Variants in BCL6 observed in about 807,000 individuals in gnomAD.
BCL6 encodes the protein B-cell lymphoma 6 protein.
In BCL6, 7 loss-of-function variants were observed where a neutral mutation model predicts 59.5. That is an observed-to-expected ratio of 0.12 (90% CI 0.07 to 0.22). The LOEUF is 0.22. Among genes scored for constraint, BCL6 ranks in the 10% least tolerant of loss-of-function variants. The probability of loss-of-function intolerance (pLI) is 1.00; values close to 1 mark genes in which losing one functional copy is unlikely to be tolerated. For synonymous variants in BCL6, 339 were observed against 349.7 expected, an observed-to-expected ratio of 0.97 and a Z score of 0.34; for missense variants, 685 against 939.4, an observed-to-expected ratio of 0.73 and a Z score of 3.54.
At position 187,721,420 on chromosome 3, in the gene BCL6, A is replaced by G; in HGVS notation, c.*1038T>C. On this transcript the variant is annotated 3_prime_UTR_variant, in exon 10 of 10. Transcript: ENST00000406870. This position sits in a 1 kb window ranked among gnomAD's most constrained non-coding sequence, Gnocchi z 4.2. ...ATTTTATTCTTATATTTGTACAGCT[A>G]TATTTTACAACGCGGTAATGCAGTT... 1 of 230,362 alleles carries G rather than the reference A, an allele frequency of 4.3e-6. No homozygotes were observed. The highest frequency in any genetic ancestry group is 8.6e-6 in the Non-Finnish European group (1 of 115,930). 14.3% of individuals were successfully genotyped at this position (230,362 alleles called of 1,614,324 possible).
chr3:187,738,506 C>G (rs748073100), intron 1 of BCL6, among the ~76,000 whole-genome samples: 4 of 152,256 alleles, frequency 2.6e-5, no homozygotes, highest in South Asian at 2.1e-4. Context: ...CGTAGAGACA[C>G]AGCTTGGACT....
Position 187,729,377 on chromosome 3 carries a change from G to A in BCL6, c.1028C>T (p.Ser343Leu). 6 of 1,613,568 alleles carry A rather than the reference G, an allele frequency of 3.7e-6. No homozygotes were observed. Among genetic ancestry groups the A allele is most frequent in the Non-Finnish European group, 5.1e-6 (6 of 1,179,876 alleles). ...CTTACTGCTGCAGGACTCTGTGGGC[G>A]AGTTGGGCTGGCAGTCAGATTTCTG... ...SPQKSDCQPN[S>L]PTESCSSKNA... is the part of the protein sequence containing the mutation. The change falls in exon 5 of 10, where the codon TCG becomes TTG. Residue 343 changes from serine (S) to leucine (L), a missense_variant. Coordinates refer to ENST00000406870, the MANE Select transcript of BCL6 (RefSeq NM_001706.5). The surrounding 1 kb of genome is among the most constrained non-coding windows in gnomAD (Gnocchi z 5.6).
In BCL6 at chr3:187,729,136, A is replaced by G. The variant is rs1718882677; in HGVS notation, c.1269T>C (p.Leu423=). The change falls in exon 5 of 10, where the codon CTT becomes CTC. Residue 423 remains leucine (L), a synonymous_variant. Coordinates refer to ENST00000406870, the MANE Select transcript of BCL6 (RefSeq NM_001706.5). The surrounding 1 kb of genome is among the most constrained non-coding windows in gnomAD (Gnocchi z 5.6). ...TCAGCTTGGTTGGGGACTGGAGGTC[A>G]AGGTTCTCAGGCTCCATGGGTGGCT... is the stretch of plus-strand genomic sequence containing the variant. The part of the protein sequence containing the change: ...ACQPPMEPEN[L]DLQSPTKLSA... 6.3e-7 allele frequency: 1 copy of G among 1,595,024 alleles called. No homozygotes were observed. The highest frequency in any genetic ancestry group is 1.3e-5 in the African/African-American group (1 of 74,408).
At position 187,731,921 on chromosome 3, in the gene BCL6, G is replaced by C. The variant is rs1415288002; in HGVS notation, c.171C>G (p.Phe57Leu). 6.2e-7 allele frequency: 1 copy of C among 1,613,516 alleles called. No individual in the cohort carries two copies. Among genetic ancestry groups the C allele is most frequent in the South Asian group, 1.1e-5 (1 of 91,042 alleles). The change falls in exon 4 of 10, where the codon TTC becomes TTG. Residue 57 changes from phenylalanine (F) to leucine (L), a missense_variant. Physicochemically the swap from Phe to Leu is conservative, Grantham distance 22 (BLOSUM62 0). Transcript: ENST00000406870. Reference sequence around the variant, plus strand: ...TCAACTGGTCTGTAAAGATGCTATAGAACAGGCCACTGTAAAACAAACAAA... The same window carrying C: ...TCAACTGGTCTGTAAAGATGCTATACAACAGGCCACTGTAAAACAAACAAA... ...KTVLMACSGL[F>L]YSIFTDQLKC...
chr3:187,728,554 G>A lies in BCL6; in HGVS notation c.1356-10C>T, dbSNP rs1718849430. Reference sequence around the variant, plus strand: ...AGAGCCCGTCATGGACCTATGGACAGGAGTAAAAACAGCCTCAGCACCTGG... The same window carrying A: ...AGAGCCCGTCATGGACCTATGGACAAGAGTAAAAACAGCCTCAGCACCTGG... On this transcript the variant is annotated splice_polypyrimidine_tract_variant and intron_variant, in intron 5 of 9. Transcript: ENST00000406870. The A allele has an allele frequency of 6.3e-7, 1 of 1,593,770 alleles. No individual in the cohort carries two copies. Among genetic ancestry groups the A allele is most frequent in the African/African-American group, 1.4e-5 (1 of 73,268 alleles).
intron 1 of BCL6, among the ~76,000 whole-genome samples, chr3:187,744,142 T>A (rs1711752661): frequency 6.6e-6 from 1 of 152,042 alleles, no homozygotes; most frequent in Admixed American, 6.5e-5. Context: ...TAAAATAAAA[T>A]TTAGGAAAGG....
In BCL6 at chr3:187,729,588, T is replaced by C. The variant is rs139857005; in HGVS notation, c.817A>G (p.Met273Val). The C allele has an allele frequency of 1.6e-5, 26 of 1,614,068 alleles. No individual in the cohort carries two copies. Among genetic ancestry groups the C allele is most frequent in the Non-Finnish European group, 1.9e-5 (22 of 1,180,042 alleles). The change falls in exon 5 of 10, where the codon ATG becomes GTG. Residue 273 changes from methionine (M) to valine (V), a missense_variant. Met to Val is a conservative substitution (Grantham distance 21). Transcript: ENST00000406870. This position sits in a 1 kb window ranked among gnomAD's most constrained non-coding sequence, Gnocchi z 5.6. ...AGGCCCTCAGCCACACTGTAGTGCA[T>C]ATCACTTCGTGCCTCTTCTGGGATT... is the stretch of plus-strand genomic sequence containing the variant. The part of the protein sequence containing the change: ...ETIPEEARSD[M>V]HYSVAEGLKP...
chr3:187,737,412 G>A (rs1397597859), intron 1 of BCL6: 1 of 148,736 alleles, frequency 6.7e-6, no homozygotes, highest in Admixed American at 6.7e-5. Context: ...AGAGAAGAGG[G>A]AGAGGCGAGG....
chr3:187,744,079 C>G (rs2108482829), intron 1 of BCL6, among the ~76,000 whole-genome samples: 1 of 152,274 alleles, frequency 6.6e-6, no homozygotes, highest in East Asian at 1.9e-4. Context: ...CTGGCGTCCA[C>G]TACGCTCAGG....
chr3:187,730,320 G>A (rs145162683), intron 4 of BCL6, among the ~76,000 whole-genome samples: 109 of 152,294 alleles, frequency 7.2e-4, no homozygotes, highest in Non-Finnish European at 1.3e-3. Flanking sequence ...TGAATCTATA[G>A]CTCTTCTGAT....
chr3:187,731,614 G>A, intron 4 of BCL6, 95 bp downstream of exon 4: 1 of 1,192,330 alleles, frequency 8.4e-7, no homozygotes, highest in South Asian at 1.4e-5. Flanking sequence ...GCATATCATA[G>A]AGGAGTATTT....
At chr3:187,743,337 G>A (rs542239818) in intron 1 of BCL6, among the ~76,000 whole-genome samples, 189 of 151,858 alleles carry the variant, frequency 1.2e-3, no homozygotes, top group African/African-American at 4.2e-3. Flanking sequence ...TGGGGTGGCG[G>A]GGGCCGGCGG....
Position 187,725,416 on chromosome 3 carries a change from T to A in BCL6, c.1839+83A>T. ...CTGCCCGCTCCACTTGCCTGCCCAC[T>A]CCTCCGCTTGCCTGCCCACTCCTCC... On this transcript the variant is annotated intron_variant, in intron 8 of 9. Transcript: ENST00000406870. This position sits in a 1 kb window ranked among gnomAD's most constrained non-coding sequence, Gnocchi z 4.7. 2.6e-6 allele frequency: 4 copies of A among 1,565,492 alleles called. No homozygotes were observed. Among genetic ancestry groups the A allele is most frequent in the Non-Finnish European group, 3.5e-6 (4 of 1,157,290 alleles).
In BCL6 at chr3:187,728,503, G is replaced by A; in HGVS notation, c.1397C>T (p.Ser466Leu). ...CTTCGGGGGGTGCATGTAGAGTGGT[G>A]AGTGGCTCTCGCTGCTGCTGCGGGG... Reference protein sequence around the residue: ...GSPRSSSESHSPLYMHPPKCT... With the variant: ...GSPRSSSESHLPLYMHPPKCT... Residue 466 changes from serine (S) to leucine (L), a missense_variant, in exon 6 of 10, where the codon TCA (serine) becomes TTA (leucine). Ser to Leu is a moderately radical substitution (Grantham distance 145). Around this residue, in one of 7 missense-constraint regions of BCL6, gnomAD observed 207 missense variants for 213.7 expected, o/e 0.97. Coordinates refer to ENST00000406870, the MANE Select transcript of BCL6 (RefSeq NM_001706.5). 1 of 1,610,896 alleles carries A rather than the reference G, an allele frequency of 6.2e-7. No individual in the cohort carries two copies. Among genetic ancestry groups the A allele is most frequent in the Non-Finnish European group, 8.5e-7 (1 of 1,179,424 alleles).
intron 1 of BCL6, among the ~76,000 whole-genome samples, 181 bp downstream of exon 1, chr3:187,745,229 C>G (rs188862098): frequency 2.0e-5 from 3 of 152,122 alleles, no homozygotes; most frequent in Admixed American, 6.5e-5. Flanking sequence ...TAAATATATA[C>G]ATTTATATCA....
chr3:187,745,075 G>C (rs1428971613), intron 1 of BCL6, among the ~76,000 whole-genome samples: 1 of 151,932 alleles, frequency 6.6e-6, no homozygotes, highest in East Asian at 1.9e-4. Flanking sequence ...ACACAAGGGA[G>C]GGTGGCAAAA....
At chr3:187,740,468 C>G (rs1351240473) in intron 1 of BCL6, among the ~76,000 whole-genome samples, 2 of 152,104 alleles carry the variant, frequency 1.3e-5, no homozygotes, top group African/African-American at 4.8e-5. Context: ...TCCAAGACTG[C>G]TGGGGAGCGG....
In BCL6 at chr3:187,725,164, G is replaced by A. The variant is rs372694635; in HGVS notation, c.1840-86C>T. 2.7e-4 allele frequency: 420 copies of A among 1,573,868 alleles called. 4 individuals carry two copies. The East Asian group carries it at 7.1e-3, about 27-fold the overall frequency. On this transcript the variant is annotated intron_variant, in intron 8 of 9. Coordinates refer to ENST00000406870, the MANE Select transcript of BCL6 (RefSeq NM_001706.5). This position sits in a 1 kb window ranked among gnomAD's most constrained non-coding sequence, Gnocchi z 4.7. ...CCTCATTAGCACACAGCCAGTGAGT[G>A]GGCCTTTCTCCAGGCCACTCTGCTC...
Position 187,725,713 on chromosome 3 carries a change from G to A in BCL6, c.1709-84C>T, listed in dbSNP as rs1257210354. On this transcript the variant is annotated intron_variant, in intron 7 of 9. Transcript: ENST00000406870. The surrounding 1 kb of genome is among the most constrained non-coding windows in gnomAD (Gnocchi z 4.7). ...TCCGTGGCTCCTGGATTTCTAAGCA[G>A]CCTGCTCCTCCCTGAGGCCACTTGT... 3.9e-6 allele frequency: 6 copies of A among 1,548,472 alleles called. No individual in the cohort carries two copies. Among genetic ancestry groups the A allele is most frequent in the Admixed American group, 1.8e-5 (1 of 56,116 alleles).
Sources: gnomAD v4.1 joint callset for allele counts (sites outside exome capture counted in the v4.1 genomes callset) on GRCh38, gnomAD v4.1.1 for gene constraint, gnomAD v4.1.1 regional missense constraint, Gnocchi (gnomAD v3.1) non-coding constraint, MANE v1.5 for transcripts, NCBI Gene and HGNC (gene_info 2026-07-23, HGNC 2026-07-21) for gene names.